Variants in RARB observed in about 807,000 individuals in gnomAD.
RARB encodes the protein retinoic acid receptor beta.
In RARB, 17 loss-of-function variants were observed where a neutral mutation model predicts 51.9. That is an observed-to-expected ratio of 0.33 (90% CI 0.22 to 0.49). The LOEUF is 0.49. Among genes scored for constraint, RARB ranks in the 20% least tolerant of loss-of-function variants. RARB has a pLI of 0.99. For missense variants in RARB, 369 were observed against 550.8 expected, an observed-to-expected ratio of 0.67 and a Z score of 3.30; for synonymous variants, 215 against 195.4, an observed-to-expected ratio of 1.10 and a Z score of -0.84.
At chr3:25,279,219 T>A (rs1463302889) in intron 5 of RARB, among the ~76,000 whole-genome samples, 1 of 152,180 alleles carries the variant, frequency 6.6e-6, no homozygotes, top group African/African-American at 2.4e-5. Context: ...AAATCAACAC[T>A]GAAACTTGGA....
At chr3:25,429,672 A>C (rs894559616) in intron 1 of RARB, among the ~76,000 whole-genome samples, 1 of 152,226 alleles carries the variant, frequency 6.6e-6, no homozygotes, top group Non-Finnish European at 1.5e-5. Context: ...ATTTAAAAAA[A>C]AAATATTGAC....
intron 2 of RARB, among the ~76,000 whole-genome samples, chr3:25,021,120 T>G (rs188364790): frequency 1.8e-4 from 27 of 152,344 alleles, no homozygotes; most frequent in Admixed American, 7.2e-4. Flanking sequence ...TGAACGCTGT[T>G]GTAAAAGATC....
chr3:24,984,477 T>G (rs573313916), intron 2 of RARB, among the ~76,000 whole-genome samples: 1 of 152,266 alleles, frequency 6.6e-6, no homozygotes, highest in African/African-American at 2.4e-5. Flanking sequence ...TCTTTTAAAG[T>G]TAAACTATGA....
chr3:25,493,467 A>G (rs1402066190), intron 2 of RARB, among the ~76,000 whole-genome samples: 1 of 152,164 alleles, frequency 6.6e-6, no homozygotes, highest in Non-Finnish European at 1.5e-5. Context: ...GGAAATGAGC[A>G]TTATTGGCAG....
chr3:25,138,868 C>G (rs1350671653), intron 4 of RARB, among the ~76,000 whole-genome samples: 4 of 152,256 alleles, frequency 2.6e-5, no homozygotes, highest in East Asian at 3.9e-4. Context: ...AGGCTTGTGG[C>G]AACCCTGTGT....
intron 4 of RARB, among the ~76,000 whole-genome samples, chr3:25,163,504 A>AAAATAT (rs1303712411): frequency 7.6e-6 from 1 of 131,096 alleles, no homozygotes; most frequent in African/African-American, 3.2e-5. Flanking sequence ...CCTATCTCAA[A>AAAATAT]ATATATATAT....
intron 2 of RARB, among the ~76,000 whole-genome samples, chr3:24,912,117 C>T (rs1695000858): frequency 6.6e-6 from 1 of 152,084 alleles, no homozygotes; most frequent in South Asian, 2.1e-4. Context: ...TCCTGCTGTG[C>T]TTAAATATTC....
intron 5 of RARB, among the ~76,000 whole-genome samples, chr3:25,301,436 GCTGGTGATATAAC>G (rs11276505): frequency 0.22 from 32,776 of 152,162 alleles, 3,942 homozygotes; most frequent in South Asian, 0.43. Context: ...ACAGCTCTGT[GCTGGTGATATAAC>G]CATGGCTACC....
At chr3:25,284,651 T>C (rs950858806) in intron 5 of RARB, among the ~76,000 whole-genome samples, 15 of 152,072 alleles carry the variant, frequency 9.9e-5, no homozygotes, top group Non-Finnish European at 2.9e-5. Flanking sequence ...GTTCTCAAGA[T>C]AAAACCATTT....
chr3:25,206,137 A>G (rs778417503), intron 5 of RARB, among the ~76,000 whole-genome samples: 2 of 152,230 alleles, frequency 1.3e-5, no homozygotes, highest in Non-Finnish European at 2.9e-5. Flanking sequence ...ATCTGTATAG[A>G]TGATGATAAT....
chr3:25,326,919 A>G (rs1316529480), intron 5 of RARB, among the ~76,000 whole-genome samples: 3 of 152,124 alleles, frequency 2.0e-5, no homozygotes, highest in Non-Finnish European at 4.4e-5. Flanking sequence ...TACATGTGCC[A>G]TGTTGGTGTG....
chr3:25,061,616 A>T (rs1370728812), intron 3 of RARB, among the ~76,000 whole-genome samples: 1 of 151,786 alleles, frequency 6.6e-6, no homozygotes, highest in Non-Finnish European at 1.5e-5. Context: ...ATTGCTTTTT[A>T]TTCAGAGCTA....
chr3:25,557,870 A>G (rs1341106406), intron 3 of RARB, among the ~76,000 whole-genome samples: 1 of 152,128 alleles, frequency 6.6e-6, no homozygotes, highest in Non-Finnish European at 1.5e-5. Context: ...TTCCCTGCAG[A>G]GCTCCAAAGC....
chr3:25,338,112 C>G (rs933518394), intron 5 of RARB, among the ~76,000 whole-genome samples: 4 of 123,572 alleles, frequency 3.2e-5, no homozygotes, highest in African/African-American at 1.1e-4. Context: ...CACACACACA[C>G]ACACACACAC....
At chr3:24,894,487 T>A (rs1039690471) in intron 2 of RARB, among the ~76,000 whole-genome samples, 2 of 152,212 alleles carry the variant, frequency 1.3e-5, no homozygotes, top group African/African-American at 4.8e-5. Context: ...AGTGGATATG[T>A]GCCATATTTT....
intron 5 of RARB, among the ~76,000 whole-genome samples, chr3:25,291,872 G>A (rs1319421753): frequency 6.6e-6 from 1 of 152,094 alleles, no homozygotes; most frequent in African/African-American, 2.4e-5. Flanking sequence ...CATAAGCACA[G>A]AGGCACAAAA....
At chr3:25,530,373 G>A (rs987078223) in intron 3 of RARB, among the ~76,000 whole-genome samples, 2 of 152,294 alleles carry the variant, frequency 1.3e-5, no homozygotes, top group Middle Eastern at 3.4e-3. Flanking sequence ...CACATTTAGC[G>A]GCTTGAACTA....
At chr3:25,468,496 C>T (rs1200744108) in intron 2 of RARB, among the ~76,000 whole-genome samples, 1 of 148,488 alleles carries the variant, frequency 6.7e-6, no homozygotes, top group Non-Finnish European at 1.5e-5. Context: ...AGTTAAGGAA[C>T]GTGGCCAAGG....
chr3:25,537,947 A>G (rs1699210765), intron 3 of RARB, among the ~76,000 whole-genome samples: 2 of 152,348 alleles, frequency 1.3e-5, no homozygotes, highest in East Asian at 1.9e-4. Flanking sequence ...GTGCTACTTT[A>G]CTGAGTTAAC....
Sources: gnomAD v4.1 joint callset for allele counts (sites outside exome capture counted in the v4.1 genomes callset) on GRCh38, gnomAD v4.1.1 for gene constraint, MANE v1.5 for transcripts, NCBI Gene and HGNC (gene_info 2026-07-23, HGNC 2026-07-21) for gene names.